The following CCT2 variants were observed in gnomAD, a reference collection of about 807,000 sequenced individuals.
The protein encoded by CCT2 is chaperonin containing TCP1 subunit 2.
In CCT2, 18 loss-of-function variants were observed where a neutral mutation model predicts 61.8. The ratio of observed to expected loss-of-function variants is 0.29; its 90% confidence interval spans 0.20 to 0.43. The LOEUF is 0.43. Ranked by LOEUF, CCT2 falls within the 20% of genes least tolerant of loss-of-function variation. The pLI is 1.00. For synonymous variants in CCT2, 248 were observed against 215.9 expected, an observed-to-expected ratio of 1.15 and a Z score of -1.30; for missense variants, 556 against 656.9, an observed-to-expected ratio of 0.85 and a Z score of 1.68.
Position 69,593,013 on chromosome 12 carries a change from A to G in CCT2, c.788A>G (p.Lys263Arg). ...CGGGTAAGAGTTGACTCTACAGCAAAGGTTGCAGAAATAGAACATGCGGAA... is the reference window on the plus strand; with the variant it reads ...CGGGTAAGAGTTGACTCTACAGCAAGGGTTGCAGAAATAGAACATGCGGAA... Reference protein sequence around the residue: ...GSRVRVDSTAKVAEIEHAEKE... With the variant: ...GSRVRVDSTARVAEIEHAEKE... Residue 263 changes from lysine (K) to arginine (R), a missense_variant, in exon 9 of 16, where the codon AAG (lysine) becomes AGG (arginine). By Grantham distance (26) the Lys-to-Arg change is conservative. Transcript: ENST00000299300. The G allele has an allele frequency of 6.2e-7, 1 of 1,613,686 alleles. No homozygotes were observed. The highest frequency in any genetic ancestry group is 1.1e-5 in the South Asian group (1 of 91,064).
chr12:69,586,261 C>T lies in CCT2; in HGVS notation c.4-9C>T, dbSNP rs1335678354. 2 of 1,609,374 alleles carry T rather than the reference C, an allele frequency of 1.2e-6. No homozygotes were observed. The highest frequency in any genetic ancestry group is 1.7e-6 in the Non-Finnish European group (2 of 1,175,666). ...CTTAAACGGAATGCCTCTTGGTTTT[C>T]CTTTTCAGGCGTCCCTTTCCCTTGC... On this transcript the variant is annotated splice_polypyrimidine_tract_variant and intron_variant, in intron 1 of 15. Transcript: ENST00000299300.
intron 6 of CCT2, chr12:69,589,124 C>G: frequency 4.7e-6 from 1 of 214,944 alleles, no homozygotes; most frequent in Non-Finnish European, 9.3e-6. Context: ...GATGGGGTTT[C>G]ACCATGTTGC....
In CCT2 at chr12:69,590,262, TTAAG is replaced by T. The variant is rs142497154; in HGVS notation, c.649+578_649+581del. Among the ~76,000 whole-genome samples the T allele has an allele frequency of 3.9e-5, 6 of 152,312 alleles. No homozygotes were observed. The East Asian group carries it at 1.2e-3, about 29-fold the overall frequency. ...CTGCTGGTTCCAGTCAGCCTGGAAC[TTAAG>T]TATGTGGGGATTTTGGTGTATGTGG... is the stretch of plus-strand genomic sequence containing the variant. On this transcript the variant is annotated intron_variant, in intron 7 of 15. Transcript: ENST00000299300.
At chr12:69,597,571 AC>A (rs1441339004) in intron 11 of CCT2, 66 bp from the exon 12 acceptor site, 4 of 1,521,950 alleles carry the variant, frequency 2.6e-6, no homozygotes, top group Non-Finnish European at 1.8e-6. Context: ...AATATAACCA[AC>A]ACCGGCATAA....
Position 69,601,401 on chromosome 12 carries a change from C to T in CCT2, c.*76C>T. On this transcript the variant is annotated 3_prime_UTR_variant, in exon 16 of 16. Coordinates refer to ENST00000299300, the MANE Select transcript of CCT2 (RefSeq NM_006431.3). The stretch of plus-strand genomic sequence containing the variant: ...TTGAAAGATACTCTATTAAAGAAGA[C>T]TGTGGAATCTGTTTATCGGTGCCCA... The T allele has an allele frequency of 6.2e-7, 1 of 1,613,144 alleles. No individual in the cohort carries two copies. Among genetic ancestry groups the T allele is most frequent in the Non-Finnish European group, 8.5e-7 (1 of 1,179,658 alleles).
At chr12:69,597,491 G>A (rs1882025276) in intron 11 of CCT2, 147 bp from the exon 12 acceptor site, 1 of 1,035,322 alleles carries the variant, frequency 9.7e-7, no homozygotes, top group Non-Finnish European at 1.4e-6. Context: ...TGATAACTTA[G>A]AACCATTATG....
At chr12:69,588,127 T>G in intron 5 of CCT2, 23 bp from the exon 6 acceptor site, 1 of 1,590,546 alleles carries the variant, frequency 6.3e-7, no homozygotes, top group Non-Finnish European at 8.6e-7. Context: ...TTTATAACTT[T>G]TGTTTTATAA....
chr12:69,601,315 A>G lies in CCT2; in HGVS notation c.1598A>G (p.His533Arg), dbSNP rs1197908546. 6.2e-7 allele frequency: 1 copy of G among 1,606,548 alleles called. No homozygotes were observed. Among genetic ancestry groups the G allele is most frequent in the East Asian group, 2.2e-5 (1 of 44,828 alleles). ...CATAGGAAACGTGTCCCTGATCACC[A>G]CCCCTGTTAAGCATTCCCACGTGCT... ...AAPRKRVPDH[H>R]PC Residue 533 changes from histidine (H) to arginine (R), a missense_variant, in exon 16 of 16, where the codon CAC (histidine) becomes CGC (arginine). Physicochemically the swap from His to Arg is conservative, Grantham distance 29. Transcript: ENST00000299300.
chr12:69,585,540 C>G lies in CCT2; in HGVS notation c.3+16C>G. 1.3e-6 allele frequency: 2 copies of G among 1,571,346 alleles called. No individual in the cohort carries two copies. The highest frequency in any genetic ancestry group is 2.3e-5 in the East Asian group (1 of 42,734). The stretch of plus-strand genomic sequence containing the variant: ...CGGAACCATGGTGAGCCTGACTCCC[C>G]TGCCTCTTGCCCTACCCCTGCTCCG... On this transcript the variant is annotated intron_variant, in intron 1 of 15. Coordinates refer to ENST00000299300, the MANE Select transcript of CCT2 (RefSeq NM_006431.3).
In CCT2 at chr12:69,589,524, T is replaced by G. The variant is rs1276593679; in HGVS notation, c.486T>G (p.Ile162Met). The change falls in exon 7 of 16, where the codon ATT becomes ATG. Residue 162 changes from isoleucine (I) to methionine (M), a missense_variant. By Grantham distance (10) the Ile-to-Met change is conservative. This residue lies in a region of CCT2 where 308 missense variants were observed against 350.6 expected (regional missense o/e 0.88). Coordinates refer to ENST00000299300, the MANE Select transcript of CCT2 (RefSeq NM_006431.3). ...AATTCCGTCAAGATTTAATGAATAT[T>G]GCGGGCACAACATTATCCTCAAAAC... ...EVKFRQDLMN[I>M]AGTTLSSKLL... 1.2e-6 allele frequency: 2 copies of G among 1,614,054 alleles called. No homozygotes were observed. The highest frequency in any genetic ancestry group is 1.7e-6 in the Non-Finnish European group (2 of 1,180,014).
At chr12:69,595,094 A>G (rs1301379857) in intron 10 of CCT2, among the ~76,000 whole-genome samples, 1 of 152,168 alleles carries the variant, frequency 6.6e-6, no homozygotes, top group African/African-American at 2.4e-5. Context: ...TGAGTTGTGA[A>G]GTCAGTAGGG....
chr12:69,600,292 TA>T (rs1882113348), intron 15 of CCT2, among the ~76,000 whole-genome samples: 1 of 152,206 alleles, frequency 6.6e-6, no homozygotes, highest in African/African-American at 2.4e-5. Context: ...CTATTGTCTT[TA>T]AACAGAATGA....
intron 7 of CCT2, 154 bp downstream of exon 7, chr12:69,589,841 A>G (rs1305841128): frequency 3.2e-6 from 2 of 629,208 alleles, no homozygotes. Context: ...CATTTTATTG[A>G]CAGTGTACTC....
In CCT2 at chr12:69,600,098, A is replaced by G. The variant is rs74102912; in HGVS notation, c.1577+94A>G. On this transcript the variant is annotated intron_variant, in intron 15 of 15. Transcript: ENST00000299300. ...TAATTAGAGTTAATGAAAAGCAGAGACAGTTTTGCCTGGATAAAAGTATGT... is the reference window on the plus strand; with the variant it reads ...TAATTAGAGTTAATGAAAAGCAGAGGCAGTTTTGCCTGGATAAAAGTATGT... 3.3e-3 allele frequency: 3,893 copies of G among 1,190,280 alleles called. 86 individuals carry two copies. In the African/African-American group the frequency reaches 0.052, roughly 16 times the overall value. 73.7% of individuals were successfully genotyped at this position (1,190,280 alleles called of 1,614,324 possible).
chr12:69,585,764 C>A, intron 1 of CCT2: 1 of 1,414,940 alleles, frequency 7.1e-7, no homozygotes, highest in South Asian at 1.5e-5. Context: ...TTTGCATAGT[C>A]CCGGCAGCCC....
chr12:69,600,072 A>G (rs1483714271), intron 15 of CCT2, 68 bp downstream of exon 15: 8 of 1,370,234 alleles, frequency 5.8e-6, no homozygotes, highest in Non-Finnish European at 7.9e-6. Flanking sequence ...TATTTATTTT[A>G]TAATTAGAGT....
At position 69,589,530 on chromosome 12, in the gene CCT2, C is replaced by T; in HGVS notation, c.492C>T (p.Gly164=). 1.2e-6 allele frequency: 2 copies of T among 1,614,090 alleles called. No individual in the cohort carries two copies. Among genetic ancestry groups the T allele is most frequent in the African/African-American group, 1.3e-5 (1 of 75,026 alleles). The change falls in exon 7 of 16, where the codon GGC becomes GGT. Residue 164 remains glycine, a synonymous_variant. Transcript: ENST00000299300. ...GTCAAGATTTAATGAATATTGCGGG[C>T]ACAACATTATCCTCAAAACTTCTTA... The part of the protein sequence containing the change: ...KFRQDLMNIA[G]TTLSSKLLTH...
chr12:69,587,430 T>G, intron 3 of CCT2, 75 bp from the exon 4 acceptor site: 2 of 840,494 alleles, frequency 2.4e-6, no homozygotes, highest in Non-Finnish European at 4.0e-6. Flanking sequence ...TAGCACTGTG[T>G]GAGAATACTG....
chr12:69,585,470 C>A lies in CCT2; in HGVS notation c.-52C>A. 1 of 1,553,460 alleles carries A rather than the reference C, an allele frequency of 6.4e-7. No homozygotes were observed. The highest frequency in any genetic ancestry group is 1.2e-5 in the South Asian group (1 of 84,236). ...TTCCGGCTTCCTTCAGTCCGCTGGT[C>A]CCGAGCACGAGCTGTGAGGGGATTC... is the stretch of plus-strand genomic sequence containing the variant. On this transcript the variant is annotated 5_prime_UTR_variant, in exon 1 of 16. Transcript: ENST00000299300.
Sources: gnomAD v4.1 joint callset for allele counts (sites outside exome capture counted in the v4.1 genomes callset) on GRCh38, gnomAD v4.1.1 for gene constraint, gnomAD v4.1.1 regional missense constraint, MANE v1.5 for transcripts, NCBI Gene and HGNC (gene_info 2026-07-23, HGNC 2026-07-21) for gene names.